LNPEP: variants seen among roughly 807,000 people sequenced by gnomAD.
LNPEP encodes the protein leucyl-cystinyl aminopeptidase.
Under a neutral mutation model 120.6 loss-of-function variants are expected in LNPEP, and 64 were observed. The observed-to-expected ratio is 0.53, with a 90% CI of 0.43 to 0.65. The LOEUF (loss-of-function observed/expected upper bound fraction) is 0.65. Among genes scored for constraint, LNPEP ranks in the 30% least tolerant of loss-of-function variants. The probability of loss-of-function intolerance (pLI) is 0.00; values close to 1 mark genes in which losing one functional copy is unlikely to be tolerated. For missense variants in LNPEP, 1,057 were observed against 1,200.0 expected (o/e 0.88, Z 1.76); for synonymous variants, 435 against 425.4 (o/e 1.02, Z -0.28).
chr5:96,957,333 A>G (rs1167528391), intron 1 of LNPEP, among the ~76,000 whole-genome samples: 3 of 152,180 alleles, frequency 2.0e-5, no homozygotes, highest in African/African-American at 7.2e-5. Flanking sequence ...ATGTTAGTTT[A>G]GTTCTCCTAG....
chr5:96,936,263 C>T, intron 1 of LNPEP, 89 bp downstream of exon 1: 1 of 1,129,994 alleles, frequency 8.8e-7, no homozygotes, highest in South Asian at 2.0e-5. Context: ...GGGCTGCAGC[C>T]GTCTCCCCCA....
At chr5:97,006,373 TAAA>T (rs3835054) in intron 10 of LNPEP, 51 bp from the exon 11 acceptor site, 626 of 1,079,878 alleles carry the variant, frequency 5.8e-4, no homozygotes, top group South Asian at 7.3e-4. Flanking sequence ...CCTACCAAAT[TAAA>T]AAAAAAAAAA....
At chr5:96,936,373 G>A in intron 1 of LNPEP, 199 bp downstream of exon 1, 1 of 419,292 alleles carries the variant, frequency 2.4e-6, no homozygotes, top group Non-Finnish European at 4.1e-6. Context: ...GCGGGACCCG[G>A]GGCTGGCTTG....
chr5:96,957,761 G>C (rs1278501585), intron 1 of LNPEP, among the ~76,000 whole-genome samples: 2 of 152,164 alleles, frequency 1.3e-5, no homozygotes. Context: ...ACCCATTGTA[G>C]ACTTCTGACC....
Position 97,029,170 on chromosome 5 carries a change from T to A in LNPEP, c.*637T>A, listed in dbSNP as rs1394932810. The A allele has an allele frequency of 6.6e-6, 1 of 152,388 alleles. No homozygotes were observed. Among genetic ancestry groups the A allele is most frequent in the Non-Finnish European group, 1.5e-5 (1 of 68,042 alleles). 9.4% of individuals were successfully genotyped at this position (152,388 alleles called of 1,614,324 possible). A position where few individuals can be genotyped will look rare whatever the true frequency, so the allele number is the denominator to read the frequency against. Reference sequence around the variant, plus strand: ...AGCCAGGTGCTACAGATTTTTAAAATTTTTGTTGTATTGAAAAGCTAAACA... The same window carrying A: ...AGCCAGGTGCTACAGATTTTTAAAAATTTTGTTGTATTGAAAAGCTAAACA... On this transcript the variant is annotated 3_prime_UTR_variant, in exon 18 of 18. Transcript: ENST00000231368.
intron 2 of LNPEP, 130 bp from the exon 3 acceptor site, chr5:96,984,950 C>T (rs763090494): frequency 7.5e-6 from 7 of 939,322 alleles, no homozygotes; most frequent in Non-Finnish European, 1.1e-5. Context: ...GTATAAACCT[C>T]TGCCTTTCCC....
chr5:96,988,040 T>C (rs1157902462), intron 4 of LNPEP, among the ~76,000 whole-genome samples: 1 of 152,196 alleles, frequency 6.6e-6, no homozygotes, highest in Admixed American at 6.5e-5. Context: ...ATTATCTCTT[T>C]TTTGTAGTTC....
chr5:96,967,530 A>T (rs75811891), intron 1 of LNPEP, among the ~76,000 whole-genome samples: 1,854 of 152,192 alleles, frequency 0.012, 41 homozygotes, highest in East Asian at 0.071. Flanking sequence ...AGTAGTAAGT[A>T]TATAAAAAGT....
chr5:96,972,734 G>C (rs1789898773), intron 1 of LNPEP, among the ~76,000 whole-genome samples: 2 of 152,082 alleles, frequency 1.3e-5, no homozygotes, highest in Non-Finnish European at 2.9e-5. Flanking sequence ...AGTTGTTTAT[G>C]AGAGGAATGA....
chr5:97,015,154 T>C, intron 13 of LNPEP, 59 bp downstream of exon 13: 1 of 1,257,286 alleles, frequency 8.0e-7, no homozygotes, highest in Admixed American at 2.8e-5. Context: ...TATTCATGGT[T>C]CCATTTTCAG....
rs767738534 is a variant in LNPEP at position 97,024,510 on chromosome 5, C to G, written c.2562-11C>G. On this transcript the variant is annotated splice_polypyrimidine_tract_variant and intron_variant, in intron 14 of 17. Transcript: ENST00000231368. ...TCTTGTTATTCTCATGTTTGACCACCTCTCTTACAGCCTACCTACTGATGT... is the reference window on the plus strand; with the variant it reads ...TCTTGTTATTCTCATGTTTGACCACGTCTCTTACAGCCTACCTACTGATGT... 8.7e-6 allele frequency: 14 copies of G among 1,610,352 alleles called. No individual in the cohort carries two copies. The highest frequency in any genetic ancestry group is 1.2e-5 in the Non-Finnish European group (14 of 1,178,378).
intron 1 of LNPEP, among the ~76,000 whole-genome samples, chr5:96,973,422 A>C (rs1789917429): frequency 6.6e-6 from 1 of 152,060 alleles, no homozygotes; most frequent in African/African-American, 2.4e-5. Context: ...TCACTTTGGA[A>C]ATTTATCTAG....
intron 4 of LNPEP, 24 bp downstream of exon 4, chr5:96,986,694 G>T: frequency 6.2e-7 from 1 of 1,611,004 alleles, no homozygotes; most frequent in South Asian, 1.1e-5. Flanking sequence ...GTAATTGTCT[G>T]AAAGCCTGTG....
chr5:96,954,772 A>ATTTT (rs1160402498), intron 1 of LNPEP, among the ~76,000 whole-genome samples: 1 of 27,108 alleles, frequency 3.7e-5, no homozygotes, highest in Non-Finnish European at 6.8e-5. Context: ...ATATATATAT[A>ATTTT]TTTTTTTTTT....
chr5:97,003,581 G>A, intron 9 of LNPEP, 35 bp downstream of exon 9: 3 of 1,455,562 alleles, frequency 2.1e-6, no homozygotes, highest in Non-Finnish European at 2.8e-6. Flanking sequence ...AGCTCTTACT[G>A]TAAAAAGAGA....
chr5:97,003,470 A>G lies in LNPEP; in HGVS notation c.1709A>G (p.His570Arg). ...TACCTTAGTGAAGATGTGTTTCAAC[A>G]TGCTGTTGTCCTTTACCTGCATAAT... Reference protein sequence around the residue: ...KTYLSEDVFQHAVVLYLHNHS... With the variant: ...KTYLSEDVFQRAVVLYLHNHS... The change falls in exon 9 of 18, where the codon CAT (histidine) becomes CGT (arginine). Residue 570 changes from histidine to arginine, a missense_variant. Coordinates refer to ENST00000231368, the MANE Select transcript of LNPEP (RefSeq NM_005575.3). 6.2e-7 allele frequency: 1 copy of G among 1,602,654 alleles called. No homozygotes were observed. Among genetic ancestry groups the G allele is most frequent in the Non-Finnish European group, 8.5e-7 (1 of 1,171,596 alleles).
At chr5:97,008,359 T>C (rs1790842034) in intron 11 of LNPEP, among the ~76,000 whole-genome samples, 1 of 121,562 alleles carries the variant, frequency 8.2e-6, no homozygotes, top group Non-Finnish European at 1.7e-5. Context: ...TTTTTTTTTT[T>C]TTTTTTTTTG....
At position 97,036,347 on chromosome 5, in the gene LNPEP, TG is replaced by T. The variant is rs1319031918; in HGVS notation, c.*7815del. The T allele has an allele frequency of 6.6e-6, 1 of 152,198 alleles. No homozygotes were observed. Among genetic ancestry groups the T allele is most frequent in the Admixed American group, 6.5e-5 (1 of 15,270 alleles). 9.4% of individuals were successfully genotyped at this position (152,198 alleles called of 1,614,324 possible). A position where few individuals can be genotyped will look rare whatever the true frequency, so the allele number is the denominator to read the frequency against. Reference sequence around the variant, plus strand: ...TGCATCTTTCTCCTCCGTTCTCCATTGTGTGCTTTCCATTTTGTCTTTAGTG... The same window carrying T: ...TGCATCTTTCTCCTCCGTTCTCCATTTGTGCTTTCCATTTTGTCTTTAGTG... On this transcript the variant is annotated 3_prime_UTR_variant, in exon 18 of 18. Coordinates refer to ENST00000231368, the MANE Select transcript of LNPEP (RefSeq NM_005575.3).
intron 1 of LNPEP, among the ~76,000 whole-genome samples, chr5:96,971,724 C>A (rs142191988): frequency 1.2e-4 from 18 of 151,918 alleles, no homozygotes; most frequent in African/African-American, 4.3e-4. Context: ...CCTTTTTCTC[C>A]TAGATTTTTC....
Sources: gnomAD v4.1 joint callset for allele counts (sites outside exome capture counted in the v4.1 genomes callset) on GRCh38, gnomAD v4.1.1 for gene constraint, MANE v1.5 for transcripts, NCBI Gene and HGNC (gene_info 2026-07-23, HGNC 2026-07-21) for gene names.